The following NPRL3 variants were observed in gnomAD, a reference collection of about 807,000 sequenced individuals.
The protein encoded by NPRL3 is NPR3 like, GATOR1 complex subunit.
A neutral mutation model predicts 57.2 loss-of-function variants in NPRL3; 23 were observed. The ratio of observed to expected loss-of-function variants is 0.40; its 90% CI spans 0.29 to 0.57. The LOEUF is 0.57. NPRL3 is among the 20% of genes least tolerant of loss of function. The pLI, the probability that NPRL3 is intolerant of heterozygous loss-of-function variation, is 0.42. For synonymous variants in NPRL3, 333 were observed against 321.1 expected (o/e 1.04, Z -0.39); for missense variants, 691 against 767.1 (o/e 0.90, Z 1.17).
chr16:117,695 G>T (rs938230015), intron 4 of NPRL3, among the ~76,000 whole-genome samples: 1 of 152,170 alleles, frequency 6.6e-6, no homozygotes, highest in Non-Finnish European at 1.5e-5. Flanking sequence ...TCCCGTGCCC[G>T]CCTGCATCCA....
chr16:118,946 C>T (rs1900164101), intron 4 of NPRL3, among the ~76,000 whole-genome samples, 180 bp downstream of exon 4: 1 of 151,298 alleles, frequency 6.6e-6, no homozygotes, highest in Admixed American at 6.6e-5. Context: ...GAAGCCACAT[C>T]TGCCCAGGGG....
chr16:92,890 T>C (rs2141908494), intron 10 of NPRL3, 165 bp from the exon 11 acceptor site: 3 of 794,916 alleles, frequency 3.8e-6, no homozygotes, highest in Non-Finnish European at 4.0e-6. Context: ...GGACAGAGCC[T>C]GGGCACTTCC....
At chr16:98,851 T>G (rs1316306149) in intron 8 of NPRL3, among the ~76,000 whole-genome samples, 1 of 152,118 alleles carries the variant, frequency 6.6e-6, no homozygotes, top group Non-Finnish European at 1.5e-5. Context: ...GGCAGGAGAA[T>G]CACTTGAGCC....
chr16:98,711 G>T (rs1042939433), intron 8 of NPRL3, among the ~76,000 whole-genome samples: 1 of 152,262 alleles, frequency 6.6e-6, no homozygotes, highest in African/African-American at 2.4e-5. Context: ...GCCAAGGCAG[G>T]CAGGTCACGT....
chr16:95,366 C>T (rs1364308465), intron 9 of NPRL3, among the ~76,000 whole-genome samples: 14 of 147,378 alleles, frequency 9.5e-5, no homozygotes, highest in Non-Finnish European at 1.9e-4. Context: ...CACACACACA[C>T]ACACACACAC....
Position 92,659 on chromosome 16 carries a change from G to A in NPRL3, c.1098C>T (p.Ala366=). The A allele has an allele frequency of 6.2e-7, 1 of 1,613,854 alleles. No homozygotes were observed. Among genetic ancestry groups the A allele is most frequent in the Non-Finnish European group, 8.5e-7 (1 of 1,179,822 alleles). Residue 366 remains alanine (A), a synonymous_variant, in exon 11 of 14, where the codon GCC becomes GCT. Transcript: ENST00000611875. The part of the protein sequence containing the change: ...FPSHDLPSVL[A]KFSLPVSLSE... ...ACAAGGAGACCGGCAAGGAGAACTT[G>A]GCAAGAACGGACGGCAGGTCATGAG... is the stretch of plus-strand genomic sequence containing the variant.
In NPRL3 at chr16:92,772, G is replaced by A. The variant is rs142977443; in HGVS notation, c.1032-47C>T. On this transcript the variant is annotated intron_variant, in intron 10 of 13. Coordinates refer to ENST00000611875, the MANE Select transcript of NPRL3 (RefSeq NM_001077350.3). ...AGTGAGTGCAGCAGACCCCCCCACC[G>A]TGTTCTCAACACTGGCCTCAGTGGG... The A allele has an allele frequency of 6.8e-4, 1,090 of 1,604,826 alleles. 4 individuals carry two copies. The African/African-American group carries it at 8.5e-3, about 13-fold the overall frequency.
At chr16:92,919 G>A in intron 10 of NPRL3, 194 bp from the exon 11 acceptor site, 1 of 667,132 alleles carries the variant, frequency 1.5e-6, no homozygotes, top group Non-Finnish European at 2.6e-6. Context: ...AGCAGCAGGA[G>A]CCATGGGCAC....
At chr16:120,150 C>T (rs1900222831) in intron 3 of NPRL3, among the ~76,000 whole-genome samples, 1 of 152,170 alleles carries the variant, frequency 6.6e-6, no homozygotes, top group African/African-American at 2.4e-5. Flanking sequence ...TGTACTACCT[C>T]TGATCTGGAC....
chr16:115,453 G>A (rs1327747527), intron 5 of NPRL3, among the ~76,000 whole-genome samples: 2 of 150,908 alleles, frequency 1.3e-5, no homozygotes, highest in South Asian at 2.1e-4. Context: ...TCAATATCAC[G>A]GCCAGCTGAA....
chr16:100,040 A>G (rs1194569899), intron 8 of NPRL3, among the ~76,000 whole-genome samples: 6 of 151,940 alleles, frequency 3.9e-5, no homozygotes, highest in Non-Finnish European at 2.9e-5. Context: ...CTGAAATGCA[A>G]AAGACTGGGG....
chr16:105,716 G>A (rs536940484), intron 7 of NPRL3, among the ~76,000 whole-genome samples: 1 of 152,256 alleles, frequency 6.6e-6, no homozygotes, highest in African/African-American at 2.4e-5. Flanking sequence ...CACACATTCC[G>A]TCGACCCCTA....
intron 7 of NPRL3, among the ~76,000 whole-genome samples, chr16:107,526 C>A (rs1171235710): frequency 6.7e-6 from 1 of 149,826 alleles, no homozygotes; most frequent in Non-Finnish European, 1.5e-5. Context: ...CACCTGTAGT[C>A]CCAGCTACTC....
In NPRL3 at chr16:134,971, G is replaced by A. The variant is rs1010095526; in HGVS notation, c.118+3179C>T. ...CCGCCTCGGCCTCCCAAAGTGCTGG[G>A]ATTACAGGCGTGAGCCACCGCGCCC... On this transcript the variant is annotated intron_variant, in intron 2 of 13. Transcript: ENST00000611875. Among the ~76,000 whole-genome samples the A allele has an allele frequency of 8.5e-5, 13 of 152,116 alleles. No individual in the cohort carries two copies. The South Asian group carries it at 2.7e-3, about 32-fold the overall frequency.
chr16:137,467 C>G (rs1444926360), intron 2 of NPRL3, among the ~76,000 whole-genome samples: 1 of 152,160 alleles, frequency 6.6e-6, no homozygotes, highest in Non-Finnish European at 1.5e-5. Context: ...ATGCACAGGG[C>G]AGACAACTCC....
chr16:98,174 C>T lies in NPRL3; in HGVS notation c.895G>A (p.Ala299Thr). Residue 299 changes from alanine to threonine, a missense_variant, in exon 9 of 14, where the codon GCC becomes ACC. Transcript: ENST00000611875. ...TSAVKNLQQL[A>T]QDADLALLQV... ...AGCAAGGCCAGGTCCGCATCTTGGG[C>T]TAGCTGCTGCAGGTTCTTCACAGCA... The T allele has an allele frequency of 6.2e-7, 1 of 1,613,904 alleles. No individual in the cohort carries two copies. Among genetic ancestry groups the T allele is most frequent in the Non-Finnish European group, 8.5e-7 (1 of 1,179,864 alleles).
intron 2 of NPRL3, among the ~76,000 whole-genome samples, chr16:135,008 A>G (rs1406267757): frequency 6.6e-6 from 1 of 152,182 alleles, no homozygotes; most frequent in Non-Finnish European, 1.5e-5. Flanking sequence ...GCCAAGTCAC[A>G]GTAATTATTA....
At chr16:110,754 T>C in intron 6 of NPRL3, 148 bp from the exon 7 acceptor site, 1 of 605,430 alleles carries the variant, frequency 1.7e-6, no homozygotes, top group Non-Finnish European at 3.0e-6. Context: ...TTCACCATGT[T>C]GGCCAGGCTG....
rs28454608 is a variant in NPRL3 at position 98,469 on chromosome 16, G to A, written c.768-168C>T. 0.025 allele frequency among the ~76,000 whole-genome samples: 3,734 copies of A among 152,066 alleles called. 153 individuals carry two copies. The highest frequency in any genetic ancestry group is 0.084 in the African/African-American group (3,498 of 41,460). On this transcript the variant is annotated intron_variant, in intron 8 of 13. Coordinates refer to ENST00000611875, the MANE Select transcript of NPRL3 (RefSeq NM_001077350.3). Reference sequence around the variant, plus strand: ...TGGGACTCAAACACACGGAACATACGAAGTGCAGGGAACCCTGCACCAGGT... The same window carrying A: ...TGGGACTCAAACACACGGAACATACAAAGTGCAGGGAACCCTGCACCAGGT...
Sources: gnomAD v4.1 joint callset for allele counts (sites outside exome capture counted in the v4.1 genomes callset) on GRCh38, gnomAD v4.1.1 for gene constraint, MANE v1.5 for transcripts, NCBI Gene and HGNC (gene_info 2026-07-23, HGNC 2026-07-21) for gene names.